Variants in ADCY2 observed in about 807,000 individuals in gnomAD.
The protein encoded by ADCY2 is adenylate cyclase type 2.
A neutral mutation model predicts 125.2 loss-of-function variants in ADCY2; 31 were observed. The ratio of observed to expected loss-of-function variants is 0.25; its 90% CI spans 0.19 to 0.33. The LOEUF (loss-of-function observed/expected upper bound fraction) is 0.33, where lower values mean the gene tolerates loss of function less well. Ranked by LOEUF, ADCY2 falls within the 10% of genes least tolerant of loss-of-function variation. The probability of loss-of-function intolerance (pLI) is 1.00; values close to 1 mark genes in which losing one functional copy is unlikely to be tolerated. For synonymous variants in ADCY2, 512 were observed against 548.4 expected (o/e 0.93, Z 0.93); for missense variants, 904 against 1,418.2 (o/e 0.64, Z 5.82).
At chr5:7,808,345 C>T (rs915046434) in intron 22 of ADCY2, among the ~76,000 whole-genome samples, 1 of 152,190 alleles carries the variant, frequency 6.6e-6, no homozygotes, top group East Asian at 1.9e-4. Flanking sequence ...CGTGTTTGTT[C>T]AGGGAGTGAT....
intron 3 of ADCY2, among the ~76,000 whole-genome samples, chr5:7,525,026 G>A (rs1383963447): frequency 2.0e-5 from 3 of 151,736 alleles, no homozygotes; most frequent in Non-Finnish European, 4.4e-5. Context: ...TTTTAGAGAT[G>A]GAGTCTCGCT....
intron 1 of ADCY2, among the ~76,000 whole-genome samples, chr5:7,401,138 G>A (rs1739248186): frequency 6.6e-6 from 1 of 152,178 alleles, no homozygotes; most frequent in Admixed American, 6.5e-5. Context: ...GTAAGCTGAT[G>A]TCCTCAATTA....
At chr5:7,416,803 C>T (rs950373722) in intron 2 of ADCY2, among the ~76,000 whole-genome samples, 1 of 152,164 alleles carries the variant, frequency 6.6e-6, no homozygotes, top group Non-Finnish European at 1.5e-5. Flanking sequence ...AACAGGAGAA[C>T]AGTTAAGATC....
At chr5:7,529,022 G>C (rs1334712586) in intron 3 of ADCY2, among the ~76,000 whole-genome samples, 2 of 152,200 alleles carry the variant, frequency 1.3e-5, no homozygotes, top group Non-Finnish European at 1.5e-5. Context: ...GAACTGAAGA[G>C]AATCATATAT....
At chr5:7,646,473 G>A (rs1353250151) in intron 4 of ADCY2, among the ~76,000 whole-genome samples, 1 of 152,042 alleles carries the variant, frequency 6.6e-6, no homozygotes, top group African/African-American at 2.4e-5. Context: ...AGAGGATTAT[G>A]GGTTAATAAG....
chr5:7,480,738 AC>A (rs35493728), intron 2 of ADCY2, among the ~76,000 whole-genome samples: 34,065 of 152,058 alleles, frequency 0.22, 3,952 homozygotes, highest in East Asian at 0.45. Flanking sequence ...CTGCACATGT[AC>A]CCCTGAACTT....
chr5:7,512,236 A>AAAAAAAAAAAAAAAAAAAAAAAC (rs1744093956), intron 2 of ADCY2, among the ~76,000 whole-genome samples: 2 of 145,792 alleles, frequency 1.4e-5, no homozygotes, highest in East Asian at 1.9e-4. Context: ...AAAAAAAAAA[A>AAAAAAAAAAAAAAAAAAAAAAAC]AAAAGAAAAC....
At chr5:7,464,253 G>A (rs894994542) in intron 2 of ADCY2, among the ~76,000 whole-genome samples, 8 of 152,050 alleles carry the variant, frequency 5.3e-5, no homozygotes, top group Non-Finnish European at 1.0e-4. Context: ...GGAGCTCTGC[G>A]CTGCTGTGTA....
intron 3 of ADCY2, among the ~76,000 whole-genome samples, chr5:7,589,458 A>AAAAT (rs1554022170): frequency 1.4e-5 from 1 of 72,932 alleles, no homozygotes; most frequent in African/African-American, 5.1e-5. Flanking sequence ...GAAGGAAAGA[A>AAAAT]AAAGAAAGAA....
chr5:7,804,163 G>A (rs752717555), intron 21 of ADCY2, among the ~76,000 whole-genome samples: 2 of 151,640 alleles, frequency 1.3e-5, no homozygotes, highest in Admixed American at 1.3e-4. Context: ...CACTCAGAGG[G>A]CAAAAGCCAG....
At chr5:7,551,040 CCCTTCCTTCCTT>C (rs142758043) in intron 3 of ADCY2, among the ~76,000 whole-genome samples, 15 of 124,706 alleles carry the variant, frequency 1.2e-4, no homozygotes, top group Non-Finnish European at 2.4e-4. Context: ...CTCCCTTCCT[CCCTTCCTTCCTT>C]CCTTCCTTCT....
chr5:7,498,985 A>G (rs1053297431), intron 2 of ADCY2, among the ~76,000 whole-genome samples: 1 of 152,166 alleles, frequency 6.6e-6, no homozygotes, highest in African/African-American at 2.4e-5. Flanking sequence ...AAAATTATCC[A>G]TGGGGTTTGA....
intron 4 of ADCY2, among the ~76,000 whole-genome samples, chr5:7,633,127 A>T (rs1391355046): frequency 7.4e-6 from 1 of 135,606 alleles, no homozygotes; most frequent in African/African-American, 3.4e-5. Flanking sequence ...TTCATTCTTA[A>T]AAAAAAAAAA....
At chr5:7,651,584 G>A (rs1448204620) in intron 4 of ADCY2, among the ~76,000 whole-genome samples, 5 of 152,046 alleles carry the variant, frequency 3.3e-5, no homozygotes, top group East Asian at 1.9e-4. Context: ...TTCTGGCCGC[G>A]CTGGCAGCTG....
chr5:7,468,886 C>T (rs1165725729), intron 2 of ADCY2, among the ~76,000 whole-genome samples: 1 of 152,028 alleles, frequency 6.6e-6, no homozygotes, highest in Non-Finnish European at 1.5e-5. Context: ...TAGTTCATGT[C>T]CGGGAAAAGT....
chr5:7,591,518 A>G (rs893052439), intron 3 of ADCY2, among the ~76,000 whole-genome samples: 1 of 152,276 alleles, frequency 6.6e-6, no homozygotes, highest in South Asian at 2.1e-4. Flanking sequence ...ACTAGGTCTA[A>G]TATTTAATGT....
chr5:7,523,640 C>T (rs1744542902), intron 3 of ADCY2, among the ~76,000 whole-genome samples: 1 of 152,200 alleles, frequency 6.6e-6, no homozygotes, highest in Non-Finnish European at 1.5e-5. Flanking sequence ...AAGGAGCTTT[C>T]AGTACCCTTG....
At chr5:7,735,615 C>T (rs1298998242) in intron 14 of ADCY2, among the ~76,000 whole-genome samples, 1 of 152,168 alleles carries the variant, frequency 6.6e-6, no homozygotes, top group African/African-American at 2.4e-5. Flanking sequence ...TTAATGTGAC[C>T]TATTAATAGG....
rs558326351 is a variant in ADCY2, at chr5:7,709,370, G to A, written c.1561G>A (p.Gly521Ser). Residue 521 changes from glycine (G) to serine (S), a missense_variant, in exon 10 of 25, where the codon GGC becomes AGC. Gly to Ser is a moderately conservative substitution (Grantham distance 56, BLOSUM62 0). Transcript: ENST00000338316. The surrounding 1 kb of genome is among the most constrained non-coding windows in gnomAD (Gnocchi z 4.4). ...HHRDSMTTENGKISTTDVPMG... is the reference protein window; with the variant it reads ...HHRDSMTTENSKISTTDVPMG... ...CAGGGACAGCATGACCACAGAGAAC[G>A]GCAAGATCAGCACCACGGTATGCCC... is the stretch of plus-strand genomic sequence containing the variant. 1.4e-5 allele frequency: 23 copies of A among 1,604,256 alleles called. No individual in the cohort carries two copies. Among genetic ancestry groups the A allele is most frequent in the Admixed American group, 5.1e-5 (3 of 58,462 alleles).
Sources: allele counts gnomAD v4.1 joint callset (sites outside exome capture counted in the v4.1 genomes callset), GRCh38; gene constraint gnomAD v4.1.1; non-coding constraint Gnocchi (gnomAD v3.1); transcripts MANE v1.5; gene names NCBI Gene and HGNC (gene_info 2026-07-23, HGNC 2026-07-21).